The following IFT22 variants were observed in gnomAD, a reference collection of about 807,000 sequenced individuals.
IFT22 encodes intraflagellar transport protein 22 homolog.
A neutral mutation model predicts 21.0 loss-of-function variants in IFT22; 13 were observed. The ratio of observed to expected loss-of-function variants is 0.62; its 90% CI spans 0.40 to 0.98. The LOEUF is 0.98. Ranked by LOEUF, IFT22 falls within the 50% of genes least tolerant of loss-of-function variation. The probability of loss-of-function intolerance (pLI) is 0.00; values close to 1 mark genes in which losing one functional copy is unlikely to be tolerated. For synonymous variants in IFT22, 67 were observed against 82.4 expected (o/e 0.81, Z 1.01); for missense variants, 227 against 228.9 (o/e 0.99, Z 0.06).
At chr7:101,321,287 G>T in intron 1 of IFT22, 1 of 234,280 alleles carries the variant, frequency 4.3e-6, no homozygotes, top group South Asian at 6.7e-5. Flanking sequence ...TCACACCACT[G>T]CACTCCAGCC....
chr7:101,317,809 C>T (rs547339439), intron 3 of IFT22, among the ~76,000 whole-genome samples: 15 of 152,012 alleles, frequency 9.9e-5, no homozygotes, highest in South Asian at 2.1e-4. Flanking sequence ...TTCTGCCTCC[C>T]GGGTTCAAGC....
intron 1 of IFT22, among the ~76,000 whole-genome samples, chr7:101,320,649 G>A (rs1376208516): frequency 1.4e-5 from 2 of 147,396 alleles, no homozygotes; most frequent in African/African-American, 2.5e-5. Flanking sequence ...ATGTAGATGT[G>A]ATCCCCACTA....
Position 101,315,061 on chromosome 7 carries a change from G to T in IFT22, c.*73C>A. 1 of 1,495,570 alleles carries T rather than the reference G, an allele frequency of 6.7e-7. No individual in the cohort carries two copies. The highest frequency in any genetic ancestry group is 9.1e-7 in the Non-Finnish European group (1 of 1,099,282). The allele number at this position is 1,495,570 out of a possible 1,614,324, so 92.6% of individuals were successfully genotyped here. ...AGGGAGAAGAAAACATCAGGAGCTG[G>T]ATGTGATTTCAGATCTGCACCGAGA... On this transcript the variant is annotated 3_prime_UTR_variant, in exon 5 of 5. Transcript: ENST00000315322.
rs1016367136 is a variant in IFT22, at chr7:101,311,155, G to A, written c.*3979C>T. ...ACTACAGGTGCCCGCCACCACACCC[G>A]GCTTATTTTTTGTATTTTTAGTAGA... is the stretch of plus-strand genomic sequence containing the variant. On this transcript the variant is annotated 3_prime_UTR_variant, in exon 5 of 5. Coordinates refer to ENST00000315322, the MANE Select transcript of IFT22 (RefSeq NM_022777.4). Among the ~76,000 whole-genome samples, 11 of 151,770 alleles carry A rather than the reference G, an allele frequency of 7.2e-5. No individual in the cohort carries two copies. The highest frequency in any genetic ancestry group is 1.7e-4 in the African/African-American group (7 of 41,312).
At chr7:101,321,069 G>A (rs1278849886) in intron 1 of IFT22, among the ~76,000 whole-genome samples, 1 of 152,206 alleles carries the variant, frequency 6.6e-6, no homozygotes, top group Non-Finnish European at 1.5e-5. Context: ...CTTGAACCCG[G>A]GAGGCGGAGT....
chr7:101,318,532 C>G (rs185596265), intron 2 of IFT22: 1 of 267,686 alleles, frequency 3.7e-6, no homozygotes, highest in Non-Finnish European at 7.2e-6. Context: ...AAAAAAAAGA[C>G]GAACAGTAGC....
Position 101,312,533 on chromosome 7 carries a change from GT to G in IFT22, c.*2600del, listed in dbSNP as rs386410832. Among the ~76,000 whole-genome samples, 12,636 of 113,654 alleles carry G rather than the reference GT, an allele frequency of 0.11. 379 individuals are homozygous for G. Among genetic ancestry groups the G allele is most frequent in the East Asian group, 0.22 (803 of 3,696 alleles). The allele number at this position is 113,654 out of a possible 152,430, so 74.6% of individuals were successfully genotyped here. ...TAAATATAATGTTTTGGAGAGAGTTGTTTTTTTTTTTTTTTTTTTTGTGACG... is the reference window on the plus strand; with the variant it reads ...TAAATATAATGTTTTGGAGAGAGTTGTTTTTTTTTTTTTTTTTTTGTGACG... On this transcript the variant is annotated 3_prime_UTR_variant, in exon 5 of 5. Coordinates refer to ENST00000315322, the MANE Select transcript of IFT22 (RefSeq NM_022777.4).
rs1790023589 is a variant in IFT22 at position 101,313,089 on chromosome 7, C to A, written c.*2045G>T. On this transcript the variant is annotated 3_prime_UTR_variant, in exon 5 of 5. Transcript: ENST00000315322. The stretch of plus-strand genomic sequence containing the variant: ...CCTCAGGATTTCCACCCGTCTCAGA[C>A]TCCCAAAGTGTTGGGATTACAGGCG... Among the ~76,000 whole-genome samples, 2 of 152,346 alleles carry A rather than the reference C, an allele frequency of 1.3e-5. No individual in the cohort carries two copies. The highest frequency in any genetic ancestry group is 4.8e-5 in the African/African-American group (2 of 41,590).
chr7:101,320,912 C>T (rs1027955961), intron 1 of IFT22, among the ~76,000 whole-genome samples: 9 of 152,000 alleles, frequency 5.9e-5, no homozygotes, highest in Non-Finnish European at 1.3e-4. Flanking sequence ...TGTGGGAGGC[C>T]GAGGCTGGCG....
At position 101,318,499 on chromosome 7, in the gene IFT22, G is replaced by T. The variant is rs115344490; in HGVS notation, c.117-286C>A. 2,690 of 295,648 alleles carry T rather than the reference G, an allele frequency of 9.1e-3. 65 individuals carry two copies. Among genetic ancestry groups the T allele is most frequent in the African/African-American group, 0.055 (2,516 of 45,510 alleles). The allele number at this position is 295,648 out of a possible 1,614,324, so 18.3% of individuals were successfully genotyped here. A position where few individuals can be genotyped will look rare whatever the true frequency, so the allele number is the denominator to read the frequency against. ...CGTGCCACCACACTCCAGCCTCAGC[G>T]ACAGGACGAGACTCCATCCCAAAAA... On this transcript the variant is annotated intron_variant, in intron 2 of 4. Coordinates refer to ENST00000315322, the MANE Select transcript of IFT22 (RefSeq NM_022777.4).
chr7:101,318,798 G>A, intron 2 of IFT22, 158 bp downstream of exon 2: 1 of 591,894 alleles, frequency 1.7e-6, no homozygotes, highest in Non-Finnish European at 3.1e-6. Flanking sequence ...CAACACACCT[G>A]GCTAATGTTT....
chr7:101,315,035 G>T lies in IFT22; in HGVS notation c.*99C>A. On this transcript the variant is annotated 3_prime_UTR_variant, in exon 5 of 5. Transcript: ENST00000315322. ...GGTAGGAACACTTCCTCTGCAGTCA[G>T]AGGGAGAAGAAAACATCAGGAGCTG... The T allele has an allele frequency of 7.4e-7, 1 of 1,349,534 alleles. No individual in the cohort carries two copies. The highest frequency in any genetic ancestry group is 1.0e-6 in the Non-Finnish European group (1 of 985,000). The allele number at this position is 1,349,534 out of a possible 1,614,324, so 83.6% of individuals were successfully genotyped here. A position where few individuals can be genotyped will look rare whatever the true frequency, so the allele number is the denominator to read the frequency against.
chr7:101,318,532 C>T (rs185596265), intron 2 of IFT22: 114 of 267,686 alleles, frequency 4.3e-4, no homozygotes, highest in Non-Finnish European at 6.4e-4. Flanking sequence ...AAAAAAAAGA[C>T]GAACAGTAGC....
chr7:101,319,901 TC>T (rs1365401534), intron 1 of IFT22, among the ~76,000 whole-genome samples: 3 of 152,034 alleles, frequency 2.0e-5, no homozygotes, highest in Non-Finnish European at 4.4e-5. Context: ...CACCTCAGCC[TC>T]CCAAAGTGCT....
intron 1 of IFT22, chr7:101,321,469 A>G (rs1790346001): frequency 1.7e-6 from 1 of 572,732 alleles, no homozygotes. Flanking sequence ...CGCCTCCACT[A>G]CCTCCTCCGG....
chr7:101,315,508 T>C (rs747380890), intron 4 of IFT22: 12 of 567,786 alleles, frequency 2.1e-5, no homozygotes, highest in Non-Finnish European at 3.1e-5. Context: ...CAGAAAGGAA[T>C]AGATTCTCTA....
chr7:101,318,391 G>A (rs1790227928), intron 2 of IFT22, 178 bp from the exon 3 acceptor site: 1 of 465,496 alleles, frequency 2.1e-6, no homozygotes, highest in Middle Eastern at 6.6e-4. Flanking sequence ...ATGATGGTGT[G>A]CACCTGTGAT....
In IFT22 at chr7:101,312,178, C is replaced by T. The variant is rs949911813; in HGVS notation, c.*2956G>A. Among the ~76,000 whole-genome samples the T allele has an allele frequency of 1.3e-5, 2 of 151,922 alleles. No individual in the cohort carries two copies. Among genetic ancestry groups the T allele is most frequent in the African/African-American group, 2.4e-5 (1 of 41,352 alleles). On this transcript the variant is annotated 3_prime_UTR_variant, in exon 5 of 5. Transcript: ENST00000315322. ...CACCACTTTGGGAGGCTGAGACGGG[C>T]GGATCACTCAAGGACAGGAGTTCGA... is the stretch of plus-strand genomic sequence containing the variant.
intron 1 of IFT22, 56 bp from the exon 2 acceptor site, chr7:101,319,088 A>C (rs760917782): frequency 6.3e-7 from 1 of 1,579,960 alleles, no homozygotes; most frequent in South Asian, 1.1e-5. Flanking sequence ...AGGAAACCAA[A>C]AAAATGACCC....
Sources: gnomAD v4.1 joint callset for allele counts (sites outside exome capture counted in the v4.1 genomes callset) on GRCh38, gnomAD v4.1.1 for gene constraint, MANE v1.5 for transcripts, NCBI Gene and HGNC (gene_info 2026-07-23, HGNC 2026-07-21) for gene names.